The following CASC3 variants were observed in gnomAD, a reference collection of about 807,000 sequenced individuals.
The protein encoded by CASC3 is protein CASC3.
Under a neutral mutation model 80.5 loss-of-function variants are expected in CASC3, and 30 were observed. The ratio of observed to expected loss-of-function variants is 0.37; its 90% CI spans 0.28 to 0.51. The LOEUF (loss-of-function observed/expected upper bound fraction) is 0.51. Ranked by LOEUF, CASC3 falls within the 20% of genes least tolerant of loss-of-function variation. The pLI is 0.94. For synonymous variants in CASC3, 312 were observed against 333.6 expected, an observed-to-expected ratio of 0.94 and a Z score of 0.70; for missense variants, 824 against 922.2, an observed-to-expected ratio of 0.89 and a Z score of 1.38.
At chr17:40,147,795 CT>C (rs1831356872) in intron 3 of CASC3, among the ~76,000 whole-genome samples, 1 of 152,124 alleles carries the variant, frequency 6.6e-6, no homozygotes, top group South Asian at 2.1e-4. Context: ...AGGTGTGGGA[CT>C]TTTAGGTGGT....
In CASC3 at chr17:40,141,191, T is replaced by C. The variant is rs1189805034; in HGVS notation, c.232-16T>C. On this transcript the variant is annotated splice_polypyrimidine_tract_variant and intron_variant, in intron 1 of 13. Transcript: ENST00000264645. ...GGAAATCACAGAACTAACCCATGTC[T>C]TCTGCTTTCTTTCAGGAGAGTGAAG... 1 of 1,613,176 alleles carries C rather than the reference T, an allele frequency of 6.2e-7. No homozygotes were observed. Among genetic ancestry groups the C allele is most frequent in the Admixed American group, 1.7e-5 (1 of 60,000 alleles).
rs199901554 is a variant in CASC3 at position 40,162,085 on chromosome 17, A to G, written c.540A>G (p.Ala180=). Residue 180 remains alanine, a synonymous_variant, in exon 5 of 14, where the codon GCA becomes GCG. Transcript: ENST00000264645. ...ATGATGAAGATCGGAAGAATCCAGC[A>G]TACATACCTCGGAAAGGGCTCTTCT... ...LDDDEDRKNP[A]YIPRKGLFFE... is the part of the protein sequence containing the mutation. 49 of 1,614,020 alleles carry G rather than the reference A, an allele frequency of 3.0e-5. No homozygotes were observed. In the East Asian group the frequency reaches 1.1e-3, roughly 36 times the overall value.
At chr17:40,149,950 A>G (rs1029776353) in intron 3 of CASC3, among the ~76,000 whole-genome samples, 3 of 152,134 alleles carry the variant, frequency 2.0e-5, no homozygotes, top group East Asian at 3.9e-4. Flanking sequence ...AGATAATAAT[A>G]TTAAGTACTG....
rs1567683192 is a variant in CASC3 at position 40,163,779 on chromosome 17, C to T, written c.1084C>T (p.Pro362Ser). Residue 362 changes from proline (P) to serine (S), a missense_variant, in exon 7 of 14, where the codon CCA becomes TCA. This residue lies in a region of CASC3 where 464 missense variants were observed against 506.0 expected (regional missense o/e 0.92). Transcript: ENST00000264645. ...RRLEQTSVRDPSPEADAPVLG... is the reference protein window; with the variant it reads ...RRLEQTSVRDSSPEADAPVLG... ...CCTAGAGCAGACTTCTGTGAGGGAT[C>T]CATCTCCAGAAGCAGATGCTCCAGT... 1.2e-6 allele frequency: 2 copies of T among 1,614,094 alleles called. No individual in the cohort carries two copies. Among genetic ancestry groups the T allele is most frequent in the Non-Finnish European group, 8.5e-7 (1 of 1,180,018 alleles).
At position 40,167,582 on chromosome 17, in the gene CASC3, A is replaced by G. The variant is rs1989483305; in HGVS notation, c.1621A>G (p.Ser541Gly). ...GCCCCCCGCCCCTCCAGTGCATATCAGTATCATGGAGGGACATTACTATGA... is the reference window on the plus strand; with the variant it reads ...GCCCCCCGCCCCTCCAGTGCATATCGGTATCATGGAGGGACATTACTATGA... ...PEPPAPPVHI[S>G]IMEGHYYDPL... The change falls in exon 9 of 14, where the codon AGT becomes GGT. Residue 541 changes from serine to glycine, a missense_variant. By Grantham distance (56) the Ser-to-Gly change is moderately conservative. This residue lies in a region of CASC3 where 464 missense variants were observed against 506.0 expected (regional missense o/e 0.92). Coordinates refer to ENST00000264645, the MANE Select transcript of CASC3 (RefSeq NM_007359.5). 2.5e-6 allele frequency: 4 copies of G among 1,613,426 alleles called. No individual in the cohort carries two copies. The highest frequency in any genetic ancestry group is 3.4e-6 in the Non-Finnish European group (4 of 1,179,432).
At chr17:40,141,327 C>T (rs1187842480) in intron 2 of CASC3, 93 bp downstream of exon 2, 3 of 1,247,760 alleles carry the variant, frequency 2.4e-6, no homozygotes, top group Non-Finnish European at 1.2e-6. Flanking sequence ...CACACACTGT[C>T]ACGGATTTAG....
chr17:40,162,815 A>G lies in CASC3; in HGVS notation c.699A>G (p.Arg233=), dbSNP rs1013835356. 1.2e-6 allele frequency: 2 copies of G among 1,614,072 alleles called. No homozygotes were observed. Among genetic ancestry groups the G allele is most frequent in the Admixed American group, 3.3e-5 (2 of 59,996 alleles). The change falls in exon 6 of 14, where the codon CGA becomes CGG. Residue 233 remains arginine, a synonymous_variant. Coordinates refer to ENST00000264645, the MANE Select transcript of CASC3 (RefSeq NM_007359.5). The part of the protein sequence containing the change: ...FREDEQAPKS[R]QELIALYGYD... The stretch of plus-strand genomic sequence containing the variant: ...AAGATGAGCAGGCCCCAAAGTCCCG[A>G]CAGGAGCTCATTGCTCTTTATGGTT...
chr17:40,161,940 A>G (rs1989311574), intron 4 of CASC3, 29 bp downstream of exon 4: 3 of 1,613,384 alleles, frequency 1.9e-6, no homozygotes, highest in Non-Finnish European at 2.5e-6. Flanking sequence ...CCTCCATTTT[A>G]GAGGCTGGAA....
chr17:40,145,076 G>A (rs1263602657), intron 3 of CASC3, among the ~76,000 whole-genome samples: 2 of 151,650 alleles, frequency 1.3e-5, no homozygotes, highest in Non-Finnish European at 2.9e-5. Context: ...GGTCAAGCTG[G>A]TCTCGAACTC....
At chr17:40,143,745 G>T (rs1163105082) in intron 3 of CASC3, among the ~76,000 whole-genome samples, 1 of 150,208 alleles carries the variant, frequency 6.7e-6, no homozygotes, top group Non-Finnish European at 1.5e-5. Flanking sequence ...CAGGAGAATC[G>T]CTTGAATCCG....
At chr17:40,141,691 T>C (rs1472010986) in intron 3 of CASC3, 84 bp downstream of exon 3, 6 of 971,082 alleles carry the variant, frequency 6.2e-6, no homozygotes, top group Admixed American at 1.9e-5. Flanking sequence ...AAACGTACCA[T>C]GACCTCCGTG....
At chr17:40,166,675 T>G (rs908982550) in intron 7 of CASC3, 122 bp from the exon 8 acceptor site, 2 of 608,234 alleles carry the variant, frequency 3.3e-6, no homozygotes, top group African/African-American at 4.0e-5. Flanking sequence ...ATAGAGAATT[T>G]TATTAGTTAA....
intron 3 of CASC3, among the ~76,000 whole-genome samples, chr17:40,151,506 C>A (rs113654837): frequency 3.1e-4 from 47 of 152,104 alleles, no homozygotes; most frequent in African/African-American, 1.1e-3. Context: ...GTCACCACGC[C>A]TGGCCCGTAA....
At chr17:40,147,516 G>T (rs912412965) in intron 3 of CASC3, among the ~76,000 whole-genome samples, 3 of 151,918 alleles carry the variant, frequency 2.0e-5, no homozygotes, top group Non-Finnish European at 2.9e-5. Context: ...TCTTGGTGGC[G>T]CAGGCCTGTG....
At position 40,162,042 on chromosome 17, in the gene CASC3, G is replaced by A; in HGVS notation, c.497G>A (p.Gly166Asp). The A allele has an allele frequency of 6.2e-7, 1 of 1,614,054 alleles. No homozygotes were observed. The highest frequency in any genetic ancestry group is 8.5e-7 in the Non-Finnish European group (1 of 1,180,014). ...EPVENKVGKK[G>D]PKHLDDDEDR... is the part of the protein sequence containing the mutation. The stretch of plus-strand genomic sequence containing the variant: ...GTGGAGAACAAAGTGGGTAAAAAGG[G>A]CCCTAAGCATTTGGATGATGATGAA... The change falls in exon 5 of 14, where the codon GGC becomes GAC. Residue 166 changes from glycine (G) to aspartate (D), a missense_variant. By Grantham distance (94) the Gly-to-Asp change is moderately conservative. Transcript: ENST00000264645.
intron 3 of CASC3, among the ~76,000 whole-genome samples, chr17:40,152,979 G>A (rs572435211): frequency 6.6e-6 from 1 of 150,542 alleles, no homozygotes; most frequent in East Asian, 2.0e-4. Context: ...GTTTCACCAT[G>A]TTGCCCAGGC....
At chr17:40,153,176 C>T (rs987301672) in intron 3 of CASC3, among the ~76,000 whole-genome samples, 1 of 152,182 alleles carries the variant, frequency 6.6e-6, no homozygotes, top group African/African-American at 2.4e-5. Flanking sequence ...TTTCGCTACC[C>T]TTAAGCCCTA....
intron 5 of CASC3, 37 bp from the exon 6 acceptor site, chr17:40,162,688 C>T (rs1173402813): frequency 6.2e-7 from 1 of 1,605,654 alleles, no homozygotes; most frequent in African/African-American, 1.3e-5. Flanking sequence ...TTGGAGAATT[C>T]TGCTGACCCA....
chr17:40,154,247 G>A (rs1193750548), intron 3 of CASC3, among the ~76,000 whole-genome samples: 1 of 151,288 alleles, frequency 6.6e-6, no homozygotes, highest in African/African-American at 2.4e-5. Flanking sequence ...AGGTCTTGCT[G>A]TATTATCCAG....
Sources: allele counts gnomAD v4.1 joint callset (sites outside exome capture counted in the v4.1 genomes callset), GRCh38; gene constraint gnomAD v4.1.1; regional missense constraint gnomAD v4.1.1; transcripts MANE v1.5; gene names NCBI Gene and HGNC (gene_info 2026-07-23, HGNC 2026-07-21).